The following CD34 variants were observed in gnomAD, a reference collection of about 807,000 sequenced individuals.
CD34 encodes the protein hematopoietic progenitor cell antigen CD34.
A neutral mutation model predicts 40.1 loss-of-function variants in CD34; 34 were observed. That is an observed-to-expected ratio of 0.85 (90% CI 0.65 to 1.13). CD34 has a LOEUF of 1.13. Ranked by LOEUF, CD34 falls within the 50% of genes most tolerant of loss-of-function variation. The pLI, the probability that CD34 is intolerant of heterozygous loss-of-function variation, is 0.00. For missense variants in CD34, 426 were observed against 466.9 expected, an observed-to-expected ratio of 0.91 and a Z score of 0.81; for synonymous variants, 209 against 190.0, an observed-to-expected ratio of 1.10 and a Z score of -0.82.
intron 1 of CD34, among the ~76,000 whole-genome samples, chr1:207,906,466 G>C (rs538186595): frequency 1.3e-5 from 2 of 152,264 alleles, no homozygotes; most frequent in South Asian, 4.2e-4. Flanking sequence ...AGCTTCAAAG[G>C]CTAAGCTAAG....
intron 4 of CD34, chr1:207,890,063 T>C (rs978463303): frequency 1.5e-5 from 20 of 1,311,718 alleles, no homozygotes; most frequent in Non-Finnish European, 1.8e-5. Context: ...AAATCTATAA[T>C]ATACACTCAG....
At chr1:207,889,903 T>A in intron 4 of CD34, 1 of 1,518,230 alleles carries the variant, frequency 6.6e-7, no homozygotes, top group Non-Finnish European at 8.7e-7. Context: ...GCATTGCCCA[T>A]GTACACATAT....
At chr1:207,904,726 T>C (rs1571778625) in intron 1 of CD34, among the ~76,000 whole-genome samples, 1 of 152,332 alleles carries the variant, frequency 6.6e-6, no homozygotes, top group Non-Finnish European at 1.5e-5. Context: ...AAATCATATA[T>C]GCTGCTTCCT....
chr1:207,899,093 T>C lies in CD34; in HGVS notation c.396A>G (p.Thr132=), dbSNP rs1662214820. ...TTPANVSTPE[T]TLKPSLSPGN... ...CAGGTGACAGGCTAGGCTTCAAGGT[T>C]GTCTCTGGAGTTGAAACGTTGGCTG... Residue 132 remains threonine, a synonymous_variant, in exon 3 of 8, where the codon ACA becomes ACG. Transcript: ENST00000310833. 6.2e-7 allele frequency: 1 copy of C among 1,614,244 alleles called. No individual in the cohort carries two copies. Among genetic ancestry groups the C allele is most frequent in the Middle Eastern group, 1.6e-4 (1 of 6,062 alleles).
intron 1 of CD34, among the ~76,000 whole-genome samples, chr1:207,904,052 G>T (rs1662330993): frequency 6.6e-6 from 1 of 152,168 alleles, no homozygotes; most frequent in Admixed American, 6.5e-5. Flanking sequence ...ATTTCTACCT[G>T]CCACTAGTAA....
At chr1:207,906,085 A>T (rs1662374666) in intron 1 of CD34, among the ~76,000 whole-genome samples, 1 of 152,128 alleles carries the variant, frequency 6.6e-6, no homozygotes, top group Admixed American at 6.5e-5. Context: ...TCTTTCCTCC[A>T]TTAGGTGTTA....
Position 207,881,990 on chromosome 1 carries a change from G to A in CD34, c.*5748C>T, listed in dbSNP as rs1042794304. On this transcript the variant is annotated 3_prime_UTR_variant, in exon 8 of 8. Coordinates refer to ENST00000310833, the MANE Select transcript of CD34 (RefSeq NM_001025109.2). Reference sequence around the variant, plus strand: ...TTTGAGAATAGCTGGTGTAGAACCTGCCTAACTCTCCAGTCTCATGGCTTG... The same window carrying A: ...TTTGAGAATAGCTGGTGTAGAACCTACCTAACTCTCCAGTCTCATGGCTTG... The A allele has an allele frequency of 2.0e-5, 3 of 152,136 alleles. No homozygotes were observed. Among genetic ancestry groups the A allele is most frequent in the African/African-American group, 7.2e-5 (3 of 41,408 alleles). 9.4% of individuals were successfully genotyped at this position (152,136 alleles called of 1,614,324 possible).
chr1:207,911,033 G>A lies in CD34; in HGVS notation c.48C>T (p.Gly16=). The A allele has an allele frequency of 6.3e-7, 1 of 1,593,390 alleles. No homozygotes were observed. Residue 16 remains glycine (G), a synonymous_variant, in exon 1 of 8, where the codon GGC becomes GGT. Transcript: ENST00000310833. ...GARAGPRMPR[G]WTALCLLSLL... is the part of the protein sequence containing the mutation. ...AACTCAGCAAGCAAAGCGCGGTCCAGCCCCGCGGCATCCTGGGCCCTGCGC... is the reference window on the plus strand; with the variant it reads ...AACTCAGCAAGCAAAGCGCGGTCCAACCCCGCGGCATCCTGGGCCCTGCGC...
At chr1:207,901,573 A>G (rs1662272037) in intron 1 of CD34, among the ~76,000 whole-genome samples, 1 of 152,260 alleles carries the variant, frequency 6.6e-6, no homozygotes, top group Non-Finnish European at 1.5e-5. Flanking sequence ...GGCTGGGGCC[A>G]GGAGCCATCT....
At chr1:207,909,742 C>T (rs1244039232) in intron 1 of CD34, among the ~76,000 whole-genome samples, 1 of 152,190 alleles carries the variant, frequency 6.6e-6, no homozygotes, top group East Asian at 1.9e-4. Flanking sequence ...GTCTAGCACC[C>T]ACTCTAGAAT....
At chr1:207,898,874 A>G in intron 3 of CD34, 99 bp downstream of exon 3, 2 of 1,273,302 alleles carry the variant, frequency 1.6e-6, no homozygotes, top group Non-Finnish European at 2.3e-6. Flanking sequence ...CCCAAATCCC[A>G]CTGGCAGGGA....
chr1:207,890,107 C>A, intron 4 of CD34: 2 of 1,192,008 alleles, frequency 1.7e-6, no homozygotes, highest in Non-Finnish European at 2.1e-6. Flanking sequence ...CTCTTTCTAC[C>A]CAAAGGAGTC....
intron 1 of CD34, among the ~76,000 whole-genome samples, chr1:207,907,359 C>T (rs1443506120): frequency 1.3e-5 from 2 of 152,200 alleles, no homozygotes; most frequent in Middle Eastern, 3.2e-3. Context: ...AGCCTTGTGT[C>T]TCTTGTGCCC....
intron 4 of CD34, 147 bp downstream of exon 4, chr1:207,897,346 C>T (rs1213681072): frequency 1.8e-6 from 1 of 566,988 alleles, no homozygotes; most frequent in African/African-American, 1.9e-5. Flanking sequence ...AAACAGAAAG[C>T]TCAGTATTAA....
rs1300893615 is a variant in CD34, at chr1:207,883,477, T to C, written c.*4261A>G. On this transcript the variant is annotated 3_prime_UTR_variant, in exon 8 of 8. Transcript: ENST00000310833. ...GTGCATTTTTTTTCTTGCTTCTTTG[T>C]TTAAATGTGTGTTGTATTATCCCCA... 6.6e-6 allele frequency: 1 copy of C among 152,202 alleles called. No individual in the cohort carries two copies. The highest frequency in any genetic ancestry group is 2.4e-5 in the African/African-American group (1 of 41,446). The allele number at this position is 152,202 out of a possible 1,614,324, so 9.4% of individuals were successfully genotyped here.
chr1:207,906,627 C>T (rs1662387589), intron 1 of CD34, among the ~76,000 whole-genome samples: 8 of 152,136 alleles, frequency 5.3e-5, no homozygotes, highest in Admixed American at 5.2e-4. Flanking sequence ...GGTGGATCAT[C>T]TGAAGTCAGG....
chr1:207,906,481 G>A (rs922909564), intron 1 of CD34, among the ~76,000 whole-genome samples: 4 of 152,176 alleles, frequency 2.6e-5, no homozygotes, highest in Non-Finnish European at 2.9e-5. Context: ...GCTAAGGTGT[G>A]AGTATATATA....
intron 2 of CD34, 108 bp from the exon 3 acceptor site, chr1:207,899,334 G>A (rs1662222483): frequency 4.2e-6 from 5 of 1,190,692 alleles, no homozygotes; most frequent in Admixed American, 3.9e-5. Flanking sequence ...GGGAGTTTGG[G>A]GAGTTAACAG....
rs1225003568 is a variant in CD34 at position 207,888,561 on chromosome 1, T to C, written c.972+121A>G. 7 of 966,276 alleles carry C rather than the reference T, an allele frequency of 7.2e-6. No individual in the cohort carries two copies. In the East Asian group the frequency reaches 1.7e-4, roughly 23 times the overall value. 59.9% of individuals were successfully genotyped at this position (966,276 alleles called of 1,614,324 possible). On this transcript the variant is annotated intron_variant, in intron 7 of 7. Transcript: ENST00000310833. ...TACTGTGTGTGCACACATGCATATC[T>C]TTATGTAAGCTCACAGAAGGGCTTT...
Sources: gnomAD v4.1 joint callset for allele counts (sites outside exome capture counted in the v4.1 genomes callset) on GRCh38, gnomAD v4.1.1 for gene constraint, MANE v1.5 for transcripts, NCBI Gene and HGNC (gene_info 2026-07-23, HGNC 2026-07-21) for gene names.